POLR1A: variants seen among roughly 807,000 people sequenced by gnomAD.
POLR1A encodes the protein DNA-directed RNA polymerase I subunit RPA1.
In POLR1A, 84 loss-of-function variants were observed where a neutral mutation model predicts 205.3. That is an observed-to-expected ratio of 0.41 (90% confidence interval 0.34 to 0.49). The LOEUF is 0.49. Ranked by LOEUF, POLR1A falls within the 20% of genes least tolerant of loss-of-function variation. The pLI is 0.22. For missense variants in POLR1A, 1,645 were observed against 2,204.5 expected, an observed-to-expected ratio of 0.75 and a Z score of 5.08; for synonymous variants, 799 against 863.7, an observed-to-expected ratio of 0.93 and a Z score of 1.31.
chr2:86,045,909 A>G (rs947420697), intron 19 of POLR1A, 140 bp from the exon 20 acceptor site: 2 of 674,298 alleles, frequency 3.0e-6, no homozygotes, highest in Admixed American at 3.5e-5. Flanking sequence ...CTACATTTCT[A>G]AACAAACCAG....
intron 3 of POLR1A, among the ~76,000 whole-genome samples, chr2:86,092,956 G>A (rs1199056274): frequency 1.3e-5 from 2 of 152,130 alleles, no homozygotes; most frequent in Non-Finnish European, 2.9e-5. Context: ...AAAATCCCAA[G>A]TAAAATATTA....
chr2:86,078,220 A>G lies in POLR1A; in HGVS notation c.1151T>C (p.Ile384Thr), dbSNP rs1355756358. Residue 384 changes from isoleucine to threonine, a missense_variant, in exon 10 of 34, where the codon ATA becomes ACA. Physicochemically the swap from Ile to Thr is moderately conservative, Grantham distance 89. Coordinates refer to ENST00000263857, the MANE Select transcript of POLR1A (RefSeq NM_015425.6). Reference protein sequence around the residue: ...FLSTLPGQSLIDKLYNIWIRL... With the variant: ...FLSTLPGQSLTDKLYNIWIRL... ...AATCCAAATGTTGTAAAGTTTGTCT[A>G]TGAGGGACTGGCCTGGAAGTGTACT... The G allele has an allele frequency of 6.2e-7, 1 of 1,612,764 alleles. No individual in the cohort carries two copies. The highest frequency in any genetic ancestry group is 1.1e-5 in the South Asian group (1 of 90,666).
chr2:86,098,562 C>A (rs1191323244), intron 3 of POLR1A, 49 bp downstream of exon 3: 1 of 1,592,072 alleles, frequency 6.3e-7, no homozygotes, highest in Admixed American at 1.8e-5. Context: ...TCTTGTTCCC[C>A]ACACCACTTT....
intron 3 of POLR1A, among the ~76,000 whole-genome samples, chr2:86,093,525 C>G (rs1284059090): frequency 2.6e-5 from 4 of 152,174 alleles, no homozygotes; most frequent in Non-Finnish European, 5.9e-5. Flanking sequence ...TTTGCCAACT[C>G]CTTTAATAAT....
intron 6 of POLR1A, among the ~76,000 whole-genome samples, chr2:86,084,758 C>G (rs1310670711): frequency 1.3e-5 from 2 of 150,718 alleles, no homozygotes; most frequent in Admixed American, 1.3e-4. Flanking sequence ...CCTCCGCCTC[C>G]CAGGTTCATG....
chr2:86,067,881 G>C (rs748307639), intron 13 of POLR1A, among the ~76,000 whole-genome samples: 21 of 152,126 alleles, frequency 1.4e-4, no homozygotes, highest in Non-Finnish European at 2.5e-4. Flanking sequence ...TCCGACAAAA[G>C]AAAGTGAATG....
At chr2:86,038,998 A>G (rs1672550011) in intron 26 of POLR1A, 141 bp from the exon 27 acceptor site, 2 of 762,914 alleles carry the variant, frequency 2.6e-6, no homozygotes, top group Admixed American at 5.0e-5. Context: ...CTGGTGAGCT[A>G]TACTGGTGTG....
intron 1 of POLR1A, among the ~76,000 whole-genome samples, chr2:86,104,094 G>T (rs1211649226): frequency 6.6e-6 from 1 of 152,216 alleles, no homozygotes; most frequent in Non-Finnish European, 1.5e-5. Context: ...TGAGGGAAAT[G>T]GAGAACATTT....
At chr2:86,071,237 T>C (rs13389227) in intron 12 of POLR1A, among the ~76,000 whole-genome samples, 325 of 5,792 alleles carry the variant, frequency 0.056, no homozygotes, top group Non-Finnish European at 0.17. Context: ...CATGTGTGTG[T>C]GTGTGTGTGT....
intron 2 of POLR1A, among the ~76,000 whole-genome samples, chr2:86,099,136 G>A (rs981559895): frequency 7.9e-5 from 12 of 152,068 alleles, no homozygotes; most frequent in African/African-American, 2.9e-4. Flanking sequence ...AGTTACTTGA[G>A]GCCAGGAGTT....
intron 7 of POLR1A, among the ~76,000 whole-genome samples, chr2:86,082,821 T>C (rs1289747238): frequency 6.6e-6 from 1 of 152,210 alleles, no homozygotes; most frequent in East Asian, 1.9e-4. Flanking sequence ...CCAACCTGTA[T>C]TAAGTGAGGC....
At chr2:86,046,614 G>A (rs976752867) in intron 19 of POLR1A, among the ~76,000 whole-genome samples, 1 of 152,160 alleles carries the variant, frequency 6.6e-6, no homozygotes, top group African/African-American at 2.4e-5. Context: ...GGGAGGTCGA[G>A]GTGGGCAGAT....
rs1218838227 is a variant in POLR1A at position 86,054,191 on chromosome 2, T to A, written c.2157A>T (p.Glu719Asp). The A allele has an allele frequency of 2.5e-6, 4 of 1,613,844 alleles. No homozygotes were observed. Among genetic ancestry groups the A allele is most frequent in the Non-Finnish European group, 3.4e-6 (4 of 1,179,866 alleles). The stretch of plus-strand genomic sequence containing the variant: ...TAAAGCCAGGAACGGATCGAGGAGT[T>A]TCCTTCACCCAGGCTTTCCCAGTGA... ...AKITGKAWVKETPRSVPGFNP... is the reference protein window; with the variant it reads ...AKITGKAWVKDTPRSVPGFNP... Residue 719 changes from glutamate (E) to aspartate (D), a missense_variant, in exon 15 of 34, where the codon GAA becomes GAT. Physicochemically the swap from Glu to Asp is conservative, Grantham distance 45. This residue lies in a region of POLR1A where 339 missense variants were observed against 415.1 expected (regional missense o/e 0.82). Coordinates refer to ENST00000263857, the MANE Select transcript of POLR1A (RefSeq NM_015425.6).
At chr2:86,104,933 G>A (rs915707732) in intron 1 of POLR1A, among the ~76,000 whole-genome samples, 4 of 152,182 alleles carry the variant, frequency 2.6e-5, no homozygotes, top group Non-Finnish European at 1.5e-5. Context: ...ATTGTCTAGG[G>A]ACAATATTTA....
chr2:86,030,477 C>A, intron 30 of POLR1A, 81 bp from the exon 31 acceptor site: 2 of 1,024,538 alleles, frequency 2.0e-6, no homozygotes, highest in South Asian at 1.3e-5. Context: ...TCCTTCAAAA[C>A]CTTTTCAGGA....
At chr2:86,033,993 AG>A (rs1672450544) in intron 27 of POLR1A, among the ~76,000 whole-genome samples, 1 of 152,212 alleles carries the variant, frequency 6.6e-6, no homozygotes, top group Admixed American at 6.5e-5. Flanking sequence ...ACAGTCCAAC[AG>A]GCCTGGTCTC....
chr2:86,068,173 C>A (rs311569), intron 13 of POLR1A, among the ~76,000 whole-genome samples: 125,503 of 152,048 alleles, frequency 0.83, 52,492 homozygotes, highest in Non-Finnish European at 0.89. Flanking sequence ...CAGAGCACCT[C>A]AACTCCCCAC....
chr2:86,077,316 GT>G (rs1283454847), intron 11 of POLR1A, among the ~76,000 whole-genome samples: 1 of 152,174 alleles, frequency 6.6e-6, no homozygotes, highest in Non-Finnish European at 1.5e-5. Context: ...GCACTAACAG[GT>G]GAACAGCAAG....
At chr2:86,095,790 C>T (rs974301392) in intron 3 of POLR1A, among the ~76,000 whole-genome samples, 2 of 151,094 alleles carry the variant, frequency 1.3e-5, no homozygotes, top group African/African-American at 4.9e-5. Context: ...TGCAGTGGCG[C>T]GATCTTGGCT....
Sources: allele counts gnomAD v4.1 joint callset (sites outside exome capture counted in the v4.1 genomes callset), GRCh38; gene constraint gnomAD v4.1.1; regional missense constraint gnomAD v4.1.1; transcripts MANE v1.5; gene names NCBI Gene and HGNC (gene_info 2026-07-23, HGNC 2026-07-21).